SPAG17: variants seen among roughly 807,000 people sequenced by gnomAD.
The protein encoded by SPAG17 is sperm-associated antigen 17.
A neutral mutation model predicts 273.6 loss-of-function variants in SPAG17; 169 were observed. The ratio of observed to expected loss-of-function variants is 0.62; its 90% confidence interval spans 0.55 to 0.70. SPAG17 has a LOEUF of 0.70. SPAG17 is among the 30% of genes least tolerant of loss of function. SPAG17 has a pLI of 0.00. For missense variants in SPAG17, 2,557 were observed against 2,627.8 expected (o/e 0.97, Z 0.59); for synonymous variants, 825 against 873.2 (o/e 0.94, Z 0.97).
chr1:118,033,240 T>C (rs1284366996), intron 24 of SPAG17, among the ~76,000 whole-genome samples: 3 of 152,142 alleles, frequency 2.0e-5, no homozygotes, highest in African/African-American at 7.2e-5. Context: ...TTTTAAGGCA[T>C]CTCCTGGTTG....
intron 20 of SPAG17, among the ~76,000 whole-genome samples, chr1:118,051,314 A>G (rs1650977617): frequency 6.6e-6 from 1 of 152,160 alleles, no homozygotes; most frequent in Non-Finnish European, 1.5e-5. Flanking sequence ...TACTACAGCC[A>G]CTATTGAAAG....
chr1:118,134,505 G>A (rs1658231628), intron 3 of SPAG17, among the ~76,000 whole-genome samples: 1 of 152,108 alleles, frequency 6.6e-6, no homozygotes, highest in Non-Finnish European at 1.5e-5. Context: ...TAAAATATAT[G>A]TACAATTTAA....
intron 46 of SPAG17, among the ~76,000 whole-genome samples, chr1:117,967,812 T>C (rs892468283): frequency 1.3e-5 from 2 of 152,082 alleles, no homozygotes; most frequent in Non-Finnish European, 2.9e-5. Context: ...CTAAGTTGCC[T>C]CTCCAGGAGG....
chr1:118,126,058 TGATAATAGCCA>T (rs1657707017), intron 3 of SPAG17, among the ~76,000 whole-genome samples: 1 of 150,788 alleles, frequency 6.6e-6, no homozygotes, highest in Non-Finnish European at 1.5e-5. Flanking sequence ...TTTTTTTTTT[TGATAATAGCCA>T]TTCTAACGGG....
rs904227747 is a variant in SPAG17, at chr1:117,980,510, G to C, written c.6004+760C>G. Reference sequence around the variant, plus strand: ...GCCTCTTAAAGTGCTGGGATTACAGGCATGAGCCACAGTGCCTGGCCAGGT... The same window carrying C: ...GCCTCTTAAAGTGCTGGGATTACAGCCATGAGCCACAGTGCCTGGCCAGGT... On this transcript the variant is annotated intron_variant, in intron 43 of 48. Coordinates refer to ENST00000336338, the MANE Select transcript of SPAG17 (RefSeq NM_206996.4). Among the ~76,000 whole-genome samples the C allele has an allele frequency of 1.1e-4, 17 of 152,294 alleles. No homozygotes were observed. In the East Asian group the frequency reaches 2.5e-3, roughly 22 times the overall value.
chr1:117,976,809 G>T lies in SPAG17; in HGVS notation c.6005-3248C>A, dbSNP rs549595222. ...GACTGGTTGTTTTAAGCCACTACAGGATTTGGCAGTGCTTCCATGCAGTAT... is the reference window on the plus strand; with the variant it reads ...GACTGGTTGTTTTAAGCCACTACAGTATTTGGCAGTGCTTCCATGCAGTAT... On this transcript the variant is annotated intron_variant, in intron 43 of 48. Coordinates refer to ENST00000336338, the MANE Select transcript of SPAG17 (RefSeq NM_206996.4). 3.3e-5 allele frequency among the ~76,000 whole-genome samples: 5 copies of T among 152,280 alleles called. No individual in the cohort carries two copies. The East Asian group carries it at 9.6e-4, about 29-fold the overall frequency.
chr1:118,023,423 G>A lies in SPAG17; in HGVS notation c.3950C>T (p.Ser1317Leu). Residue 1317 changes from serine (S) to leucine (L), a missense_variant, in exon 28 of 49, where the codon TCA becomes TTA. Ser to Leu is a moderately radical substitution (Grantham distance 145). Coordinates refer to ENST00000336338, the MANE Select transcript of SPAG17 (RefSeq NM_206996.4). ...ADGAVSRSPN[S>L]GLICPPSEMP... Reference sequence around the variant, plus strand: ...TTCAGAAGGAGGACAAATAAGACCTGAATTGGGACTCCTGCTCACAGCACC... The same window carrying A: ...TTCAGAAGGAGGACAAATAAGACCTAAATTGGGACTCCTGCTCACAGCACC... 6.2e-7 allele frequency: 1 copy of A among 1,611,272 alleles called. No individual in the cohort carries two copies. The highest frequency in any genetic ancestry group is 8.5e-7 in the Non-Finnish European group (1 of 1,178,170).
intron 3 of SPAG17, among the ~76,000 whole-genome samples, chr1:118,147,772 T>C (rs934575522): frequency 2.0e-5 from 3 of 152,158 alleles, no homozygotes; most frequent in Non-Finnish European, 4.4e-5. Context: ...GCAAATCACT[T>C]AGGAATGTGG....
In SPAG17 at chr1:118,085,987, G is replaced by C; in HGVS notation, c.1697C>G (p.Pro566Arg). The C allele has an allele frequency of 1.2e-6, 2 of 1,613,698 alleles. No homozygotes were observed. The highest frequency in any genetic ancestry group is 1.7e-6 in the Non-Finnish European group (2 of 1,179,830). Reference protein sequence around the residue: ...PLWEFLQFPLPPPWNNTKRLA... With the variant: ...PLWEFLQFPLRPPWNNTKRLA... Reference sequence around the variant, plus strand: ...ACGTTTAGTGTTGTTCCATGGTGGGGGTAGAGGGAATTGAAGAAATTCCCA... The same window carrying C: ...ACGTTTAGTGTTGTTCCATGGTGGGCGTAGAGGGAATTGAAGAAATTCCCA... The change falls in exon 13 of 49, where the codon CCC becomes CGC. Residue 566 changes from proline to arginine, a missense_variant. Physicochemically the swap from Pro to Arg is moderately radical, Grantham distance 103 (BLOSUM62 -2). Transcript: ENST00000336338.
intron 8 of SPAG17, 55 bp from the exon 9 acceptor site, chr1:118,092,057 C>T (rs1433884292): frequency 6.9e-7 from 1 of 1,448,386 alleles, no homozygotes; most frequent in Non-Finnish European, 9.7e-7. Flanking sequence ...GAGAGATGCC[C>T]TCATCAAATG....
intron 7 of SPAG17, among the ~76,000 whole-genome samples, chr1:118,094,205 A>T (rs1156352986): frequency 1.3e-5 from 2 of 152,196 alleles, no homozygotes; most frequent in Non-Finnish European, 2.9e-5. Flanking sequence ...TCAATCTGGT[A>T]TTGCTTGCCC....
chr1:117,967,296 CAA>C (rs5777330), intron 46 of SPAG17, among the ~76,000 whole-genome samples: 1,793 of 86,012 alleles, frequency 0.021, 23 homozygotes, highest in South Asian at 0.11. Context: ...AACTCCATCT[CAA>C]AAAAAAAAAA....
At chr1:118,163,159 C>T (rs144922331) in intron 1 of SPAG17, among the ~76,000 whole-genome samples, 277 of 152,234 alleles carry the variant, frequency 1.8e-3, no homozygotes, top group African/African-American at 5.1e-3. Context: ...ATTATCTTTT[C>T]GTGCTTTTCT....
At chr1:118,141,315 G>C (rs1658667418) in intron 3 of SPAG17, among the ~76,000 whole-genome samples, 1 of 152,108 alleles carries the variant, frequency 6.6e-6, no homozygotes, top group South Asian at 2.1e-4. Flanking sequence ...ACTATCATTT[G>C]ATGATTTAGC....
chr1:118,140,568 G>T (rs1434434471), intron 3 of SPAG17, among the ~76,000 whole-genome samples: 2 of 152,084 alleles, frequency 1.3e-5, no homozygotes, highest in Non-Finnish European at 2.9e-5. Flanking sequence ...CAGAACTATG[G>T]GATTCACTCT....
intron 22 of SPAG17, among the ~76,000 whole-genome samples, chr1:118,040,050 T>G (rs912321786): frequency 6.6e-6 from 1 of 152,174 alleles, no homozygotes; most frequent in Non-Finnish European, 1.5e-5. Flanking sequence ...GTTTTGCAAC[T>G]TATAAAAATT....
At chr1:118,109,419 G>A (rs1313199740) in intron 4 of SPAG17, among the ~76,000 whole-genome samples, 1 of 150,188 alleles carries the variant, frequency 6.7e-6, no homozygotes, top group East Asian at 2.0e-4. Context: ...CGGGTGTTGT[G>A]GCACGCGTGC....
At chr1:118,083,919 A>C (rs1016809936) in intron 13 of SPAG17, among the ~76,000 whole-genome samples, 1 of 152,168 alleles carries the variant, frequency 6.6e-6, no homozygotes, top group Non-Finnish European at 1.5e-5. Context: ...TTGGTTTTGG[A>C]CTTGTTAAGC....
At chr1:118,032,684 C>T (rs1383702481) in intron 24 of SPAG17, among the ~76,000 whole-genome samples, 10 of 151,900 alleles carry the variant, frequency 6.6e-5, no homozygotes, top group African/African-American at 2.2e-4. Flanking sequence ...AACCTCCTCC[C>T]GGGTTCAAGT....
Sources: gnomAD v4.1 joint callset for allele counts (sites outside exome capture counted in the v4.1 genomes callset) on GRCh38, gnomAD v4.1.1 for gene constraint, MANE v1.5 for transcripts, NCBI Gene and HGNC (gene_info 2026-07-23, HGNC 2026-07-21) for gene names.